Variants in FRMD4A observed in about 807,000 individuals in gnomAD.
FRMD4A encodes FERM domain-containing protein 4A.
FRMD4A carries 29 observed loss-of-function variants against 129.1 expected under a neutral mutation model. The ratio of observed to expected loss-of-function variants is 0.22; its 90% CI spans 0.17 to 0.31. The LOEUF (loss-of-function observed/expected upper bound fraction) is 0.31, where lower values mean the gene tolerates loss of function less well. Ranked by LOEUF, FRMD4A falls within the 10% of genes least tolerant of loss-of-function variation. The pLI, the probability that FRMD4A is intolerant of heterozygous loss-of-function variation, is 1.00. For synonymous variants in FRMD4A, 634 were observed against 571.6 expected, an observed-to-expected ratio of 1.11 and a Z score of -1.56; for missense variants, 1,272 against 1,375.8, an observed-to-expected ratio of 0.92 and a Z score of 1.19.
chr10:14,197,671 T>C (rs2131934117), intron 2 of FRMD4A, among the ~76,000 whole-genome samples: 1 of 152,354 alleles, frequency 6.6e-6, no homozygotes, highest in African/African-American at 2.4e-5. Context: ...AGGATCACTC[T>C]AGTTATGACA....
intron 2 of FRMD4A, among the ~76,000 whole-genome samples, chr10:14,204,400 C>A (rs1362415937): frequency 6.6e-6 from 1 of 151,980 alleles, no homozygotes; most frequent in Non-Finnish European, 1.5e-5. Context: ...TGTACTCCAG[C>A]CCGAATGACA....
In FRMD4A at chr10:13,747,824, A is replaced by G; in HGVS notation, c.465-5T>C. On this transcript the variant is annotated splice_region_variant and splice_polypyrimidine_tract_variant and intron_variant, in intron 8 of 24. Coordinates refer to ENST00000357447, the MANE Select transcript of FRMD4A (RefSeq NM_018027.5). ...TCACTCCTCACAACTTCATTGCTGA[A>G]AGAGAGAATGCCCAGAAACGCACTC... 2 of 1,548,602 alleles carry G rather than the reference A, an allele frequency of 1.3e-6. No homozygotes were observed. The highest frequency in any genetic ancestry group is 1.8e-6 in the Non-Finnish European group (2 of 1,120,270).
chr10:14,326,841 C>T, intron 2 of FRMD4A: 1 of 398,666 alleles, frequency 2.5e-6, no homozygotes, highest in Non-Finnish European at 4.4e-6. Flanking sequence ...GGTTGGTGAA[C>T]ACAGCAGTAT....
rs533456518 is a variant in FRMD4A at position 14,288,293 on chromosome 10, T to A, written c.45+41765A>T. ...AAAATTGGAAATCTCCAAAGCCCTCTCAGAATGTACTGATATGGTTTGCCT... is the reference window on the plus strand; with the variant it reads ...AAAATTGGAAATCTCCAAAGCCCTCACAGAATGTACTGATATGGTTTGCCT... On this transcript the variant is annotated intron_variant, in intron 2 of 24. Coordinates refer to ENST00000357447, the MANE Select transcript of FRMD4A (RefSeq NM_018027.5). Among the ~76,000 whole-genome samples the A allele has an allele frequency of 4.6e-5, 7 of 152,262 alleles. No homozygotes were observed. In the South Asian group the frequency reaches 1.5e-3, roughly 32 times the overall value.
intron 5 of FRMD4A, among the ~76,000 whole-genome samples, chr10:13,791,008 C>A (rs577613166): frequency 2.0e-5 from 3 of 152,066 alleles, no homozygotes; most frequent in African/African-American, 7.2e-5. Context: ...TGGATCAGTG[C>A]GTGCTGGATG....
chr10:14,301,191 T>C (rs61836141), intron 2 of FRMD4A, among the ~76,000 whole-genome samples: 3,170 of 152,330 alleles, frequency 0.021, 45 homozygotes, highest in Middle Eastern at 0.058. Flanking sequence ...GGGACTCTCA[T>C]ATTTTGTACT....
At chr10:13,702,550 G>A (rs1004722298) in intron 13 of FRMD4A, among the ~76,000 whole-genome samples, 4 of 150,184 alleles carry the variant, frequency 2.7e-5, no homozygotes, top group Non-Finnish European at 2.9e-5. Flanking sequence ...ATGTGTGTGT[G>A]TGTGTGTGTG....
intron 2 of FRMD4A, among the ~76,000 whole-genome samples, chr10:14,235,440 G>T (rs1357384997): frequency 1.3e-5 from 2 of 152,050 alleles, no homozygotes; most frequent in African/African-American, 4.8e-5. Flanking sequence ...GAGCCACCGC[G>T]CCCGGCCGCC....
At chr10:13,950,715 T>C (rs1186068122) in intron 2 of FRMD4A, among the ~76,000 whole-genome samples, 1 of 152,176 alleles carries the variant, frequency 6.6e-6, no homozygotes, top group African/African-American at 2.4e-5. Flanking sequence ...CTCAGGACAT[T>C]TGCACGCCCG....
intron 2 of FRMD4A, among the ~76,000 whole-genome samples, chr10:13,877,669 A>G (rs1180368251): frequency 6.6e-6 from 1 of 152,250 alleles, no homozygotes; most frequent in South Asian, 2.1e-4. Flanking sequence ...TTCTGTTTAC[A>G]TAACCAAGTA....
chr10:14,209,653 G>A (rs916324210), intron 2 of FRMD4A, among the ~76,000 whole-genome samples: 6 of 151,594 alleles, frequency 4.0e-5, no homozygotes, highest in African/African-American at 9.7e-5. Context: ...CCCAGGAGGC[G>A]GAGCTTGCAG....
intron 2 of FRMD4A, among the ~76,000 whole-genome samples, chr10:14,306,689 A>G (rs1846365735): frequency 6.6e-6 from 1 of 152,234 alleles, no homozygotes; most frequent in Non-Finnish European, 1.5e-5. Context: ...CACTAGTTAC[A>G]AAAAAGAAGA....
chr10:14,181,085 C>T (rs1173383712), intron 2 of FRMD4A, among the ~76,000 whole-genome samples: 1 of 152,198 alleles, frequency 6.6e-6, no homozygotes, highest in Non-Finnish European at 1.5e-5. Context: ...GAATCTAGCC[C>T]TTGGAGACTT....
At chr10:13,816,657 G>T (rs1003282866) in intron 3 of FRMD4A, among the ~76,000 whole-genome samples, 5 of 152,224 alleles carry the variant, frequency 3.3e-5, no homozygotes, top group Non-Finnish European at 7.3e-5. Flanking sequence ...TTCAGAGAAA[G>T]TTGCTGGGCA....
intron 2 of FRMD4A, among the ~76,000 whole-genome samples, chr10:14,251,184 T>A (rs1012490822): frequency 6.6e-6 from 1 of 152,220 alleles, no homozygotes; most frequent in Non-Finnish European, 1.5e-5. Flanking sequence ...TGTTTCTAAC[T>A]ATTCAATAGA....
At chr10:13,856,045 T>G (rs1274247308) in intron 3 of FRMD4A, among the ~76,000 whole-genome samples, 1 of 151,666 alleles carries the variant, frequency 6.6e-6, no homozygotes, top group Non-Finnish European at 1.5e-5. Context: ...TATCTATCTA[T>G]CTATCTATCT....
Position 14,217,947 on chromosome 10 carries a change from C to T in FRMD4A, c.45+112111G>A, listed in dbSNP as rs1038040546. Among the ~76,000 whole-genome samples the T allele has an allele frequency of 3.3e-5, 5 of 152,258 alleles. No individual in the cohort carries two copies. The South Asian group carries it at 6.2e-4, about 19-fold the overall frequency. On this transcript the variant is annotated intron_variant, in intron 2 of 24. Coordinates refer to ENST00000357447, the MANE Select transcript of FRMD4A (RefSeq NM_018027.5). ...CTGGGTTCAAGTGATCCTCCTGCCTCAGCCTCCTAAGTAGCTGGGATTACA... is the reference window on the plus strand; with the variant it reads ...CTGGGTTCAAGTGATCCTCCTGCCTTAGCCTCCTAAGTAGCTGGGATTACA...
chr10:13,830,146 G>A (rs749215918), intron 3 of FRMD4A, among the ~76,000 whole-genome samples: 5 of 152,204 alleles, frequency 3.3e-5, no homozygotes, highest in Non-Finnish European at 7.3e-5. Flanking sequence ...TGCAGAGAGA[G>A]AAATCATCTA....
intron 2 of FRMD4A, among the ~76,000 whole-genome samples, chr10:13,952,229 G>T (rs898311788): frequency 6.6e-6 from 1 of 151,720 alleles, no homozygotes; most frequent in African/African-American, 2.4e-5. Context: ...TGGGCGTGGT[G>T]GCTCATGTCT....
Sources: gnomAD v4.1 joint callset for allele counts (sites outside exome capture counted in the v4.1 genomes callset) on GRCh38, gnomAD v4.1.1 for gene constraint, MANE v1.5 for transcripts, NCBI Gene and HGNC (gene_info 2026-07-23, HGNC 2026-07-21) for gene names.